Variants in RAB11FIP2 observed in about 807,000 individuals in gnomAD.
RAB11FIP2 encodes the protein rab11 family-interacting protein 2.
Under a neutral mutation model 40.9 loss-of-function variants are expected in RAB11FIP2, and 16 were observed. The ratio of observed to expected loss-of-function variants is 0.39; its 90% CI spans 0.26 to 0.59. The LOEUF is 0.59. Ranked by LOEUF, RAB11FIP2 falls within the 20% of genes least tolerant of loss-of-function variation. RAB11FIP2 has a pLI of 0.53. For missense variants in RAB11FIP2, 532 were observed against 606.2 expected, an observed-to-expected ratio of 0.88 and a Z score of 1.28; for synonymous variants, 228 against 213.7, an observed-to-expected ratio of 1.07 and a Z score of -0.58.
At chr10:118,023,861 G>A (rs1292857877) in intron 3 of RAB11FIP2, among the ~76,000 whole-genome samples, 2 of 152,142 alleles carry the variant, frequency 1.3e-5, no homozygotes, top group African/African-American at 4.8e-5. Flanking sequence ...GGAGGAGGCA[G>A]GCGGATCACT....
chr10:118,039,236 C>A lies in RAB11FIP2; in HGVS notation c.1001G>T (p.Ser334Ile), dbSNP rs200498795. ...TGGTTTTGAAAATAAATTCATGCTGCTGTCCCATGTTTCGCTGCTTTCTTC... is the reference window on the plus strand; with the variant it reads ...TGGTTTTGAAAATAAATTCATGCTGATGTCCCATGTTTCGCTGCTTTCTTC... Reference protein sequence around the residue: ...PFEESSETWDSSMNLFSKPIE... With the variant: ...PFEESSETWDISMNLFSKPIE... Residue 334 changes from serine to isoleucine, a missense_variant, in exon 3 of 5, where the codon AGC (serine) becomes ATC (isoleucine). Physicochemically the swap from Ser to Ile is moderately radical, Grantham distance 142. Transcript: ENST00000355624. 1.7e-5 allele frequency: 27 copies of A among 1,613,570 alleles called. No homozygotes were observed. The highest frequency in any genetic ancestry group is 2.2e-5 in the Non-Finnish European group (26 of 1,179,768).
chr10:118,012,221 A>AT lies in RAB11FIP2; in HGVS notation c.1311+2843dup, dbSNP rs940505800. Among the ~76,000 whole-genome samples the AT allele has an allele frequency of 1.5e-4, 22 of 149,826 alleles. 1 individual carries two copies. The highest frequency in any genetic ancestry group is 3.9e-4 in the East Asian group (2 of 5,138). ...AATACACAGATATGTTATTTGGATT[A>AT]TTTTTTTTTTCCTTACAACAATCTA... On this transcript the variant is annotated intron_variant, in intron 4 of 4. Coordinates refer to ENST00000355624, the MANE Select transcript of RAB11FIP2 (RefSeq NM_014904.3).
intron 3 of RAB11FIP2, among the ~76,000 whole-genome samples, chr10:118,031,861 C>G (rs906536548): frequency 1.1e-4 from 16 of 151,956 alleles, no homozygotes; most frequent in Admixed American, 2.0e-4. Flanking sequence ...CACAGTAGAG[C>G]AGAAAATAAT....
In RAB11FIP2 at chr10:118,011,714, T is replaced by C. The variant is rs1846157767; in HGVS notation, c.1312-2489A>G. 2.6e-5 allele frequency among the ~76,000 whole-genome samples: 4 copies of C among 152,092 alleles called. No individual in the cohort carries two copies. In the South Asian group the frequency reaches 8.3e-4, roughly 31 times the overall value. On this transcript the variant is annotated intron_variant, in intron 4 of 4. Coordinates refer to ENST00000355624, the MANE Select transcript of RAB11FIP2 (RefSeq NM_014904.3). The stretch of plus-strand genomic sequence containing the variant: ...AATTGTCTGGTATACCAAGTGATTT[T>C]TCTAAACCCCACTTTAAAAACTAAT...
chr10:118,039,142 T>C lies in RAB11FIP2; in HGVS notation c.1095A>G (p.Gly365=), dbSNP rs1846520430. Residue 365 remains glycine (G), a synonymous_variant, in exon 3 of 5, where the codon GGA becomes GGG. Coordinates refer to ENST00000355624, the MANE Select transcript of RAB11FIP2 (RefSeq NM_014904.3). ...EKVSLFERVT[G]KKDSRRSDKL... ...TATCAGATCTTCTGCTATCTTTTTT[T>C]CCAGTCACTCTTTCAAACAGGCTAA... 1 of 1,613,618 alleles carries C rather than the reference T, an allele frequency of 6.2e-7. No individual in the cohort carries two copies. The highest frequency in any genetic ancestry group is 1.1e-5 in the South Asian group (1 of 91,048).
Position 118,046,231 on chromosome 10 carries a change from T to C in RAB11FIP2, c.-68A>G, listed in dbSNP as rs190297174. 7.5e-7 allele frequency: 1 copy of C among 1,326,298 alleles called. No individual in the cohort carries two copies. Among genetic ancestry groups the C allele is most frequent in the South Asian group, 1.3e-5 (1 of 77,482 alleles). The allele number at this position is 1,326,298 out of a possible 1,614,324, so 82.2% of individuals were successfully genotyped here. A position where few individuals can be genotyped will look rare whatever the true frequency, so the allele number is the denominator to read the frequency against. ...TGCCCCTCCCGGAGGGAGAGCCTAA[T>C]TCCTTAATCACTGCATCCTAAGGAC... On this transcript the variant is annotated 5_prime_UTR_variant, in exon 1 of 5. Transcript: ENST00000355624.
At chr10:118,022,046 C>CA (rs1052077239) in intron 3 of RAB11FIP2, among the ~76,000 whole-genome samples, 2 of 152,182 alleles carry the variant, frequency 1.3e-5, no homozygotes, top group African/African-American at 4.8e-5. Context: ...CCTGAAAGAC[C>CA]AATCATGTCT....
intron 2 of RAB11FIP2, 193 bp downstream of exon 2, chr10:118,039,930 C>A (rs149228247): frequency 1.5e-5 from 8 of 538,884 alleles, no homozygotes; most frequent in African/African-American, 1.3e-4. Flanking sequence ...AATATAAATA[C>A]AAATGCAGAC....
rs1464379097 is a variant in RAB11FIP2, at chr10:118,008,473, T to G, written c.*525A>C. 6.4e-6 allele frequency: 1 copy of G among 155,044 alleles called. No homozygotes were observed. Among genetic ancestry groups the G allele is most frequent in the Non-Finnish European group, 1.4e-5 (1 of 69,608 alleles). The allele number at this position is 155,044 out of a possible 1,614,324, so 9.6% of individuals were successfully genotyped here. The stretch of plus-strand genomic sequence containing the variant: ...TAAATGTTCTAAAAACACATGTATA[T>G]ATGAGGTATATGCCTATATTTTATA... On this transcript the variant is annotated 3_prime_UTR_variant, in exon 5 of 5. Coordinates refer to ENST00000355624, the MANE Select transcript of RAB11FIP2 (RefSeq NM_014904.3).
intron 3 of RAB11FIP2, among the ~76,000 whole-genome samples, chr10:118,029,757 T>C (rs1846390974): frequency 1.3e-5 from 2 of 152,106 alleles, no homozygotes; most frequent in Non-Finnish European, 2.9e-5. Context: ...TCTTAACCTT[T>C]AGAGTATAAC....
intron 3 of RAB11FIP2, among the ~76,000 whole-genome samples, chr10:118,028,880 T>A (rs1846377445): frequency 6.6e-6 from 1 of 152,088 alleles, no homozygotes; most frequent in Non-Finnish European, 1.5e-5. Context: ...ACTCTTGTGT[T>A]CAAAGAAGCC....
intron 4 of RAB11FIP2, among the ~76,000 whole-genome samples, chr10:118,011,619 G>T (rs1051703887): frequency 6.6e-6 from 1 of 152,088 alleles, no homozygotes; most frequent in East Asian, 1.9e-4. Flanking sequence ...ATTTGAGAGA[G>T]AAAGCAACTT....
chr10:118,026,096 T>C (rs750341967), intron 3 of RAB11FIP2, among the ~76,000 whole-genome samples: 1 of 152,126 alleles, frequency 6.6e-6, no homozygotes, highest in Non-Finnish European at 1.5e-5. Context: ...AAAATTTCCA[T>C]CCCTTATCAA....
intron 3 of RAB11FIP2, among the ~76,000 whole-genome samples, chr10:118,019,374 G>T (rs1846256994): frequency 6.6e-6 from 1 of 152,144 alleles, no homozygotes; most frequent in Admixed American, 6.5e-5. Flanking sequence ...GGAGGAAGAG[G>T]GAAGGGGCAA....
chr10:118,028,515 C>T (rs922326373), intron 3 of RAB11FIP2, among the ~76,000 whole-genome samples: 1 of 152,008 alleles, frequency 6.6e-6, no homozygotes, highest in Admixed American at 6.6e-5. Flanking sequence ...AAAACACCTC[C>T]GCTACAAGGT....
rs548661864 is a variant in RAB11FIP2, at chr10:118,034,499, T to C, written c.1265+4473A>G. The stretch of plus-strand genomic sequence containing the variant: ...GATTTTATAATATATTAAAAGATAA[T>C]TTGTTGTGAACAAATTAAAAATGGT... On this transcript the variant is annotated intron_variant, in intron 3 of 4. Transcript: ENST00000355624. Among the ~76,000 whole-genome samples the C allele has an allele frequency of 9.2e-5, 14 of 152,266 alleles. No homozygotes were observed. In the South Asian group the frequency reaches 2.7e-3, roughly 29 times the overall value.
Position 118,007,166 on chromosome 10 carries a change from TA to T in RAB11FIP2, c.*1831del, listed in dbSNP as rs775492245. On this transcript the variant is annotated 3_prime_UTR_variant, in exon 5 of 5. Transcript: ENST00000355624. ...AGTTAATTAAAAGTGGCACCATGTT[TA>T]AAAAAAAAAAAAAAACTACCAAGAC... 7.6e-3 allele frequency: 1,024 copies of T among 134,152 alleles called. 8 individuals are homozygous for T. The highest frequency in any genetic ancestry group is 0.021 in the African/African-American group (771 of 36,630). 8.3% of individuals were successfully genotyped at this position (134,152 alleles called of 1,614,324 possible). A position where few individuals can be genotyped will look rare whatever the true frequency, so the allele number is the denominator to read the frequency against.
chr10:118,033,886 T>A (rs755197802), intron 3 of RAB11FIP2: 1 of 692,382 alleles, frequency 1.4e-6, no homozygotes, highest in Non-Finnish European at 2.6e-6. Flanking sequence ...GTAACTTATA[T>A]CCTGTGAATT....
intron 2 of RAB11FIP2, 44 bp downstream of exon 2, chr10:118,040,079 A>G: frequency 6.7e-7 from 1 of 1,502,890 alleles, no homozygotes; most frequent in Non-Finnish European, 9.0e-7. Flanking sequence ...TAAAAACTAA[A>G]AGGGTAGTTC....
Sources: gnomAD v4.1 joint callset for allele counts (sites outside exome capture counted in the v4.1 genomes callset) on GRCh38, gnomAD v4.1.1 for gene constraint, MANE v1.5 for transcripts, NCBI Gene and HGNC (gene_info 2026-07-23, HGNC 2026-07-21) for gene names.